PTPN3: variants seen among roughly 807,000 people sequenced by gnomAD.
PTPN3 encodes the protein protein tyrosine phosphatase non-receptor type 3.
PTPN3 carries 96 observed loss-of-function variants against 132.7 expected under a neutral mutation model. The observed-to-expected ratio is 0.72, with a 90% CI of 0.61 to 0.86. PTPN3 has a LOEUF of 0.86. Among genes scored for constraint, PTPN3 ranks in the 40% least tolerant of loss-of-function variants. The probability of loss-of-function intolerance (pLI) is 0.00; values close to 1 mark genes in which losing one functional copy is unlikely to be tolerated. For synonymous variants in PTPN3, 398 were observed against 429.0 expected, an observed-to-expected ratio of 0.93 and a Z score of 0.89; for missense variants, 1,125 against 1,159.6, an observed-to-expected ratio of 0.97 and a Z score of 0.43.
At chr9:109,395,113 C>A (rs1207807905) in intron 19 of PTPN3, among the ~76,000 whole-genome samples, 4 of 148,552 alleles carry the variant, frequency 2.7e-5, no homozygotes, top group African/African-American at 9.9e-5. Context: ...GCACTCCAGG[C>A]TGGGCAACAG....
At chr9:109,490,595 C>T (rs966211034) in intron 1 of PTPN3, among the ~76,000 whole-genome samples, 6 of 152,088 alleles carry the variant, frequency 3.9e-5, no homozygotes, top group Admixed American at 2.6e-4. Context: ...AAAAATTAGC[C>T]GGGCGTGGTG....
chr9:109,445,119 A>G (rs1564448652), intron 7 of PTPN3, 121 bp downstream of exon 7: 14 of 952,848 alleles, frequency 1.5e-5, no homozygotes, highest in Non-Finnish European at 2.2e-5. Context: ...AGCCAGAGAT[A>G]TGCTGCCCAG....
the PTPN3 span, among the ~76,000 whole-genome samples, chr9:109,536,374 T>C: frequency 0.014 from 2,075 of 152,270 alleles, 46 homozygotes; most frequent in African/African-American, 0.048. Flanking sequence ...ACAAATGGAG[T>C]TGCTGGGTCA....
At chr9:109,448,302 C>T (rs757080992) in intron 6 of PTPN3, among the ~76,000 whole-genome samples, 1 of 152,106 alleles carries the variant, frequency 6.6e-6, no homozygotes, top group African/African-American at 2.4e-5. Flanking sequence ...AGTTTCTTCC[C>T]TAAGTCAAGA....
Position 109,474,149 on chromosome 9 carries a change from A to G in PTPN3, c.-17-10698T>C, listed in dbSNP as rs564386179. Among the ~76,000 whole-genome samples, 54 of 152,202 alleles carry G rather than the reference A, an allele frequency of 3.5e-4. 1 individual carries two copies. Among genetic ancestry groups the G allele is most frequent in the African/African-American group, 1.2e-3 (49 of 41,538 alleles). On this transcript the variant is annotated intron_variant, in intron 1 of 25. Coordinates refer to ENST00000374541, the MANE Select transcript of PTPN3 (RefSeq NM_002829.4). The stretch of plus-strand genomic sequence containing the variant: ...TGAACCCAGACACTTAAGAGCCAGC[A>G]AACCTGCCTCCTGGGAGAAAAATAG...
intron 10 of PTPN3, among the ~76,000 whole-genome samples, chr9:109,429,938 C>A (rs1485025315): frequency 6.6e-6 from 1 of 152,122 alleles, no homozygotes; most frequent in Admixed American, 6.5e-5. Flanking sequence ...GTAGGTAAAA[C>A]GAAACTTGAA....
chr9:109,402,097 CAACA>C (rs1841170714), intron 19 of PTPN3, among the ~76,000 whole-genome samples: 1 of 152,102 alleles, frequency 6.6e-6, no homozygotes, highest in Admixed American at 6.5e-5. Flanking sequence ...CTCGCTAAAT[CAACA>C]AACAAACGAC....
At chr9:109,467,267 AT>A (rs71492849) in intron 1 of PTPN3, among the ~76,000 whole-genome samples, 30,320 of 148,738 alleles carry the variant, frequency 0.2, 3,350 homozygotes, top group Admixed American at 0.3. Flanking sequence ...GGTGGGTTAC[AT>A]TTTTTTTTTT....
intron 14 of PTPN3, among the ~76,000 whole-genome samples, chr9:109,410,713 C>T (rs190930868): frequency 2.5e-4 from 38 of 152,194 alleles, no homozygotes; most frequent in Admixed American, 1.8e-3. Context: ...GGAAATGTGT[C>T]CAGCTCCTCT....
intron 22 of PTPN3, among the ~76,000 whole-genome samples, chr9:109,388,845 A>T (rs1839817737): frequency 6.6e-6 from 1 of 152,224 alleles, no homozygotes; most frequent in Non-Finnish European, 1.5e-5. Flanking sequence ...TGAGCTGCCC[A>T]AATGGATTCT....
the PTPN3 span, among the ~76,000 whole-genome samples, chr9:109,531,053 C>A: frequency 1.3e-5 from 2 of 152,144 alleles, no homozygotes; most frequent in Non-Finnish European, 2.9e-5. Context: ...TTTTAATGCA[C>A]CAAAGTTTTT....
At chr9:109,507,648 C>A in the PTPN3 span, among the ~76,000 whole-genome samples, 1 of 152,226 alleles carries the variant, frequency 6.6e-6, no homozygotes, top group Non-Finnish European at 1.5e-5. Flanking sequence ...ACATGAGTCA[C>A]ATGTGAAGTT....
chr9:109,448,709 C>G, intron 6 of PTPN3, 102 bp downstream of exon 6: 1 of 1,176,448 alleles, frequency 8.5e-7, no homozygotes, highest in Non-Finnish European at 1.2e-6. Context: ...CACATCCACT[C>G]TGTTTAGATT....
chr9:109,433,016 T>C (rs1843771675), intron 10 of PTPN3, 57 bp downstream of exon 10: 2 of 1,598,074 alleles, frequency 1.3e-6, no homozygotes, highest in Non-Finnish European at 8.5e-7. Flanking sequence ...ACATTACTTT[T>C]GTTAGGCATA....
At chr9:109,446,081 C>T (rs1278788345) in intron 6 of PTPN3, among the ~76,000 whole-genome samples, 3 of 152,224 alleles carry the variant, frequency 2.0e-5, no homozygotes, top group Non-Finnish European at 4.4e-5. Context: ...ACTCCACGGC[C>T]TGCCCAGGAG....
intron 19 of PTPN3, among the ~76,000 whole-genome samples, chr9:109,395,154 A>AG (rs1244088958): frequency 6.6e-6 from 1 of 151,900 alleles, no homozygotes. Flanking sequence ...TAAAAAAAAA[A>AG]AAAAAAGTGG....
the PTPN3 span, among the ~76,000 whole-genome samples, chr9:109,508,975 C>T: frequency 1.3e-5 from 2 of 152,104 alleles, no homozygotes; most frequent in Admixed American, 1.3e-4. Flanking sequence ...GGGAGGATTG[C>T]TTGAGGCCAG....
chr9:109,406,116 G>C (rs1841541423), intron 18 of PTPN3, among the ~76,000 whole-genome samples: 1 of 152,146 alleles, frequency 6.6e-6, no homozygotes, highest in South Asian at 2.1e-4. Flanking sequence ...CTTTAAGAAG[G>C]GGCTGAAAAT....
At chr9:109,531,634 A>C in the PTPN3 span, among the ~76,000 whole-genome samples, 1 of 152,186 alleles carries the variant, frequency 6.6e-6, no homozygotes, top group Non-Finnish European at 1.5e-5. Context: ...AGAATGAGAT[A>C]ATGTATGGTC....
Sources: allele counts gnomAD v4.1 joint callset (sites outside exome capture counted in the v4.1 genomes callset), GRCh38; gene constraint gnomAD v4.1.1; transcripts MANE v1.5; gene names NCBI Gene and HGNC (gene_info 2026-07-23, HGNC 2026-07-21).